Variants in CFAP299 observed in about 807,000 individuals in gnomAD.
CFAP299 encodes cilia- and flagella-associated protein 299.
CFAP299 carries 21 observed loss-of-function variants against 27.0 expected under a neutral mutation model. That is an observed-to-expected ratio of 0.78 (90% CI 0.55 to 1.12). CFAP299 has a LOEUF of 1.12. Ranked by LOEUF, CFAP299 falls within the 50% of genes most tolerant of loss-of-function variation. The probability of loss-of-function intolerance (pLI) is 0.00; values close to 1 mark genes in which losing one functional copy is unlikely to be tolerated. For missense variants in CFAP299, 310 were observed against 276.6 expected, an observed-to-expected ratio of 1.12 and a Z score of -0.86; for synonymous variants, 104 against 98.1, an observed-to-expected ratio of 1.06 and a Z score of -0.36.
chr4:80,832,682 C>T (rs1014833841), intron 3 of CFAP299, among the ~76,000 whole-genome samples: 5 of 151,918 alleles, frequency 3.3e-5, no homozygotes, highest in African/African-American at 9.7e-5. Flanking sequence ...ATTTCATTTT[C>T]GGAGGTATAG....
At chr4:80,327,798 A>AG in the CFAP299 span, among the ~76,000 whole-genome samples, 2 of 117,200 alleles carry the variant, frequency 1.7e-5, no homozygotes, top group East Asian at 2.6e-4. Flanking sequence ...TGTGAGGCAA[A>AG]GGGGGAGAGG....
At chr4:80,581,915 A>G (rs889989269) in intron 2 of CFAP299, among the ~76,000 whole-genome samples, 1 of 151,830 alleles carries the variant, frequency 6.6e-6, no homozygotes, top group African/African-American at 2.4e-5. Flanking sequence ...CTTCCCTGAA[A>G]GGGGTTGTAA....
intron 5 of CFAP299, among the ~76,000 whole-genome samples, chr4:80,952,590 G>A (rs1737840140): frequency 6.6e-6 from 1 of 152,068 alleles, no homozygotes; most frequent in Non-Finnish European, 1.5e-5. Context: ...TTATTGTACA[G>A]GTGCTAAAAA....
chr4:80,565,808 T>G (rs17004941), intron 2 of CFAP299, among the ~76,000 whole-genome samples: 12,063 of 152,130 alleles, frequency 0.079, 717 homozygotes, highest in East Asian at 0.26. Context: ...ATTGGCAATT[T>G]TGTTTTGAAA....
intron 3 of CFAP299, among the ~76,000 whole-genome samples, chr4:80,805,814 C>T (rs557491816): frequency 2.6e-4 from 39 of 152,178 alleles, no homozygotes; most frequent in Middle Eastern, 3.4e-3. Context: ...GTTGAGGCTG[C>T]GGTGAGCCAA....
chr4:80,359,943 C>CT lies in CFAP299; in HGVS notation c.112-2811_112-2810insT, dbSNP rs553552086. Among the ~76,000 whole-genome samples, 39 of 152,226 alleles carry CT rather than the reference C, an allele frequency of 2.6e-4. 1 individual carries two copies. In the South Asian group the frequency reaches 7.9e-3, roughly 31 times the overall value. ...CATTCTTGTGCTGATTCTTTCACAC[C>CT]CTTGTGGGCTTATGTACTTTCAATT... is the stretch of plus-strand genomic sequence containing the variant. On this transcript the variant is annotated intron_variant, in intron 1 of 5. Transcript: ENST00000358105.
At chr4:80,499,252 A>T (rs1035354428) in intron 2 of CFAP299, among the ~76,000 whole-genome samples, 1 of 152,154 alleles carries the variant, frequency 6.6e-6, no homozygotes, top group Non-Finnish European at 1.5e-5. Context: ...CAAAGCTGGA[A>T]AAAAGAAAAA....
At chr4:80,827,589 A>AC (rs1730055761) in intron 3 of CFAP299, among the ~76,000 whole-genome samples, 1 of 151,970 alleles carries the variant, frequency 6.6e-6, no homozygotes, top group South Asian at 2.1e-4. Context: ...TATATAAAAA[A>AC]CCCACAGCAA....
chr4:80,650,176 A>G (rs1740214147), intron 3 of CFAP299, among the ~76,000 whole-genome samples: 1 of 152,116 alleles, frequency 6.6e-6, no homozygotes, highest in African/African-American at 2.4e-5. Context: ...GCAGAATTCA[A>G]ACATCCATAT....
At chr4:80,413,550 G>C (rs1357203136) in intron 2 of CFAP299, among the ~76,000 whole-genome samples, 1 of 152,148 alleles carries the variant, frequency 6.6e-6, no homozygotes, top group Non-Finnish European at 1.5e-5. Flanking sequence ...CTGGGACAGT[G>C]AAGGGAACAA....
At chr4:80,776,516 C>A (rs1726550188) in intron 3 of CFAP299, among the ~76,000 whole-genome samples, 1 of 152,016 alleles carries the variant, frequency 6.6e-6, no homozygotes, top group African/African-American at 2.4e-5. Flanking sequence ...TGTTCTCACT[C>A]ATAAGTGGGA....
chr4:80,833,017 T>C (rs1014887625), intron 3 of CFAP299, among the ~76,000 whole-genome samples: 1 of 152,144 alleles, frequency 6.6e-6, no homozygotes, highest in Admixed American at 6.6e-5. Context: ...AGAGTCTAAA[T>C]GTGAAATATT....
At chr4:80,398,459 C>A (rs562969332) in intron 2 of CFAP299, among the ~76,000 whole-genome samples, 1 of 152,120 alleles carries the variant, frequency 6.6e-6, no homozygotes, top group Admixed American at 6.5e-5. Context: ...TATACAGTAA[C>A]CAAAACAGCA....
intron 5 of CFAP299, among the ~76,000 whole-genome samples, chr4:80,959,315 C>T (rs1255124009): frequency 6.6e-6 from 1 of 151,976 alleles, no homozygotes; most frequent in African/African-American, 2.4e-5. Flanking sequence ...AGTAAGTGTA[C>T]ATAAGGCCTA....
chr4:80,921,006 G>A (rs1277340792), intron 4 of CFAP299, among the ~76,000 whole-genome samples: 1 of 152,024 alleles, frequency 6.6e-6, no homozygotes, highest in Non-Finnish European at 1.5e-5. Flanking sequence ...TTTGCTAAAT[G>A]CATGTTTGTT....
At chr4:80,395,184 G>A (rs1230975860) in intron 2 of CFAP299, among the ~76,000 whole-genome samples, 1 of 151,394 alleles carries the variant, frequency 6.6e-6, no homozygotes, top group Admixed American at 6.6e-5. Context: ...ATTGTAATTG[G>A]GATCTTTCCT....
At chr4:80,518,437 G>A (rs1459528660) in intron 2 of CFAP299, among the ~76,000 whole-genome samples, 2 of 152,146 alleles carry the variant, frequency 1.3e-5, no homozygotes, top group Admixed American at 6.5e-5. Context: ...ATATGAGAAA[G>A]TGAGTGGATT....
At chr4:80,853,570 T>C (rs947785357) in intron 3 of CFAP299, among the ~76,000 whole-genome samples, 1 of 152,112 alleles carries the variant, frequency 6.6e-6, no homozygotes, top group African/African-American at 2.4e-5. Flanking sequence ...AAACATATCA[T>C]ACAAAAGGGC....
At chr4:80,807,301 T>C (rs1390754114) in intron 3 of CFAP299, among the ~76,000 whole-genome samples, 1 of 152,104 alleles carries the variant, frequency 6.6e-6, no homozygotes, top group African/African-American at 2.4e-5. Flanking sequence ...AAATGAAACA[T>C]ATGATATATG....
Sources: allele counts gnomAD v4.1 joint callset (sites outside exome capture counted in the v4.1 genomes callset), GRCh38; gene constraint gnomAD v4.1.1; transcripts MANE v1.5; gene names NCBI Gene and HGNC (gene_info 2026-07-23, HGNC 2026-07-21).